The following ATP2B2 variants were observed in gnomAD, a reference collection of about 807,000 sequenced individuals.
The protein encoded by ATP2B2 is ATPase plasma membrane Ca2+ transporting 2, also known as plasma membrane calcium-transporting ATPase 2.
Under a neutral mutation model 120.0 loss-of-function variants are expected in ATP2B2, and 15 were observed. The observed-to-expected ratio is 0.12, with a 90% confidence interval of 0.08 to 0.19. The LOEUF is 0.19. Ranked by LOEUF, ATP2B2 falls within the 10% of genes least tolerant of loss-of-function variation. ATP2B2 has a pLI of 1.00. For synonymous variants in ATP2B2, 694 were observed against 700.3 expected, an observed-to-expected ratio of 0.99 and a Z score of 0.14; for missense variants, 1,045 against 1,719.8, an observed-to-expected ratio of 0.61 and a Z score of 6.94.
chr3:10,379,968 G>T (rs368897394), intron 8 of ATP2B2, among the ~76,000 whole-genome samples: 1 of 152,312 alleles, frequency 6.6e-6, no homozygotes, highest in South Asian at 2.1e-4. Context: ...AGAACAAAGA[G>T]TGATCAGGGG....
chr3:10,396,824 C>T (rs1328385680), intron 5 of ATP2B2, among the ~76,000 whole-genome samples: 1 of 151,916 alleles, frequency 6.6e-6, no homozygotes, highest in Admixed American at 6.6e-5. Flanking sequence ...TTCAACACAA[C>T]CTCATGAGCT....
intron 1 of ATP2B2, among the ~76,000 whole-genome samples, chr3:10,689,715 T>C (rs147550705): frequency 0.012 from 1,816 of 152,296 alleles, 16 homozygotes; most frequent in South Asian, 0.058. Flanking sequence ...AGCATTGCCC[T>C]GGCCTCGTTT....
chr3:10,379,436 G>C, intron 8 of ATP2B2, 152 bp from the exon 9 acceptor site: 1 of 920,156 alleles, frequency 1.1e-6, no homozygotes. Flanking sequence ...GGTTGGGGAG[G>C]GCCCTGAAGC....
intron 1 of ATP2B2, among the ~76,000 whole-genome samples, chr3:10,459,778 C>T (rs1324982270): frequency 6.6e-6 from 1 of 152,200 alleles, no homozygotes; most frequent in Non-Finnish European, 1.5e-5. Context: ...TTGTTTAATC[C>T]TTCACAACGA....
intron 1 of ATP2B2, among the ~76,000 whole-genome samples, chr3:10,624,001 G>A (rs1485987067): frequency 1.3e-5 from 2 of 152,158 alleles, no homozygotes; most frequent in Non-Finnish European, 2.9e-5. Flanking sequence ...CTAGCTTAGG[G>A]TCACTCAGAG....
In ATP2B2 at chr3:10,408,425, A is replaced by T. The variant is rs373946376; in HGVS notation, c.397+2193T>A. Among the ~76,000 whole-genome samples the T allele has an allele frequency of 1.1e-4, 16 of 152,260 alleles. No homozygotes were observed. In the East Asian group the frequency reaches 2.9e-3, roughly 28 times the overall value. ...GGGCACAGGAGCCCTGGAAACATGG[A>T]AGGCCCAGAGCTCAGATCTCAGGCC... On this transcript the variant is annotated intron_variant, in intron 3 of 22. Transcript: ENST00000360273.
chr3:10,499,181 T>A (rs7633859), intron 1 of ATP2B2, among the ~76,000 whole-genome samples: 1 of 152,242 alleles, frequency 6.6e-6, no homozygotes, highest in Non-Finnish European at 1.5e-5. Context: ...GTGCTTCCTT[T>A]GCATTACTTC....
chr3:10,371,766 T>C, intron 12 of ATP2B2, 43 bp downstream of exon 12: 2 of 1,614,028 alleles, frequency 1.2e-6, no homozygotes, highest in Non-Finnish European at 1.7e-6. Flanking sequence ...TACCATCCCA[T>C]GGATGTTGCT....
At chr3:10,692,352 G>A (rs961167496) in intron 1 of ATP2B2, among the ~76,000 whole-genome samples, 3 of 152,136 alleles carry the variant, frequency 2.0e-5, no homozygotes, top group African/African-American at 4.8e-5. Flanking sequence ...CTTTGTGGGC[G>A]CCGAGGCTTG....
intron 1 of ATP2B2, among the ~76,000 whole-genome samples, chr3:10,667,241 A>G (rs184047738): frequency 1.3e-5 from 2 of 152,164 alleles, no homozygotes; most frequent in African/African-American, 4.8e-5. Context: ...TATTTTATAG[A>G]TGAGGAAACT....
At chr3:10,638,134 G>A (rs910862497) in intron 1 of ATP2B2, among the ~76,000 whole-genome samples, 2 of 152,090 alleles carry the variant, frequency 1.3e-5, no homozygotes, top group Non-Finnish European at 2.9e-5. Flanking sequence ...TATAAGAAAC[G>A]TTAAAGCAAG....
chr3:10,612,629 T>C (rs935497076), intron 2 of ATP2B2, among the ~76,000 whole-genome samples: 3 of 152,206 alleles, frequency 2.0e-5, no homozygotes, highest in Non-Finnish European at 2.9e-5. Flanking sequence ...ATACGATCTA[T>C]ATACTGATAT....
At chr3:10,410,341 C>T (rs2125015640) in intron 3 of ATP2B2, among the ~76,000 whole-genome samples, 1 of 152,322 alleles carries the variant, frequency 6.6e-6, no homozygotes, top group Non-Finnish European at 1.5e-5. Flanking sequence ...GGCGACATCT[C>T]AGCCCAGGGC....
At chr3:10,533,713 A>T (rs577371010) in intron 3 of ATP2B2, among the ~76,000 whole-genome samples, 1 of 152,220 alleles carries the variant, frequency 6.6e-6, no homozygotes, top group African/African-American at 2.4e-5. Flanking sequence ...GGGCAGAGGC[A>T]GTGTCAGATC....
At position 10,379,261 on chromosome 3, in the gene ATP2B2, C is replaced by T. The variant is rs762483506; in HGVS notation, c.1024G>A (p.Asp342Asn). The T allele has an allele frequency of 8.1e-6, 13 of 1,613,918 alleles. No homozygotes were observed. The highest frequency in any genetic ancestry group is 1.1e-5 in the Non-Finnish European group (13 of 1,179,980). Residue 342 changes from aspartate (D) to asparagine (N), a missense_variant, in exon 9 of 23, where the codon GAC becomes AAC. Around this residue, in one of 11 missense-constraint regions of ATP2B2, gnomAD observed 145 missense variants for 202.0 expected, o/e 0.72. Coordinates refer to ENST00000360273, the MANE Select transcript of ATP2B2 (RefSeq NM_001001331.4). ...VNGKMQDGNV[D>N]ASQSKAKQQD... The stretch of plus-strand genomic sequence containing the variant: ...GGGTTACCTTTGCTCTGGCTGGCGT[C>T]CACATTGCCATCCTGCATTTTACCT...
chr3:10,418,647 G>A (rs1001246325), intron 2 of ATP2B2, among the ~76,000 whole-genome samples: 4 of 152,150 alleles, frequency 2.6e-5, no homozygotes, highest in Admixed American at 6.5e-5. Flanking sequence ...GATTGTTTTC[G>A]CCCCTGGTGA....
Position 10,346,676 on chromosome 3 carries a change from C to G in ATP2B2, c.2405-539G>C, listed in dbSNP as rs553035408. ...CTTCAATAAAACATTCAACGAATAA[C>G]AGAATGAACAAATGACATGTGGCCC... is the stretch of plus-strand genomic sequence containing the variant. On this transcript the variant is annotated intron_variant, in intron 16 of 22. Transcript: ENST00000360273. This position sits in a 1 kb window ranked among gnomAD's most constrained non-coding sequence, Gnocchi z 4.1. Among the ~76,000 whole-genome samples the G allele has an allele frequency of 1.1e-4, 16 of 152,262 alleles. No individual in the cohort carries two copies. Among genetic ancestry groups the G allele is most frequent in the Middle Eastern group, 6.8e-3 (2 of 294 alleles).
rs1389027982 is a variant in ATP2B2 at position 10,453,960 on chromosome 3, CCATCCATG to C, written c.-319-4106_-319-4099del. The stretch of plus-strand genomic sequence containing the variant: ...CCCACCCATCCACTCATCCATCCAT[CCATCCATG>C]CACTCGCTCACTCACTGACCCTTCC... On this transcript the variant is annotated intron_variant, in intron 1 of 22. Coordinates refer to ENST00000360273, the MANE Select transcript of ATP2B2 (RefSeq NM_001001331.4). Among the ~76,000 whole-genome samples the C allele has an allele frequency of 1.1e-3, 161 of 150,602 alleles. 1 individual carries two copies. Among genetic ancestry groups the C allele is most frequent in the African/African-American group, 3.7e-3 (153 of 40,994 alleles).
At chr3:10,640,575 G>A (rs757607415) in intron 1 of ATP2B2, among the ~76,000 whole-genome samples, 19 of 152,180 alleles carry the variant, frequency 1.2e-4, no homozygotes, top group Admixed American at 4.6e-4. Context: ...AGACCTGGGC[G>A]AGGCCAGAAG....
Sources: gnomAD v4.1 joint callset for allele counts (sites outside exome capture counted in the v4.1 genomes callset) on GRCh38, gnomAD v4.1.1 for gene constraint, gnomAD v4.1.1 regional missense constraint, Gnocchi (gnomAD v3.1) non-coding constraint, MANE v1.5 for transcripts, NCBI Gene and HGNC (gene_info 2026-07-23, HGNC 2026-07-21) for gene names.